TOM1L2: variants seen among roughly 807,000 people sequenced by gnomAD.
TOM1L2 encodes target of myb1 like 2 membrane trafficking protein, also known as TOM1-like protein 2.
In TOM1L2, 31 loss-of-function variants were observed where a neutral mutation model predicts 67.9. The observed-to-expected ratio is 0.46, with a 90% CI of 0.34 to 0.62. The LOEUF (loss-of-function observed/expected upper bound fraction) is 0.62, where lower values mean the gene tolerates loss of function less well. Ranked by LOEUF, TOM1L2 falls within the 20% of genes least tolerant of loss-of-function variation. The pLI is 0.01. For missense variants in TOM1L2, 606 were observed against 663.5 expected (o/e 0.91, Z 0.95); for synonymous variants, 256 against 254.0 (o/e 1.01, Z -0.07).
chr17:17,934,039 T>C (rs1475182616), intron 1 of TOM1L2, among the ~76,000 whole-genome samples: 1 of 152,108 alleles, frequency 6.6e-6, no homozygotes, highest in Non-Finnish European at 1.5e-5. Context: ...GAAAAAAAAA[T>C]CTGAGTAGGC....
chr17:17,949,093 G>A (rs954919049), intron 1 of TOM1L2, among the ~76,000 whole-genome samples: 2 of 152,188 alleles, frequency 1.3e-5, no homozygotes, highest in African/African-American at 4.8e-5. Flanking sequence ...CCTTAATTGA[G>A]TGTTCTCAGG....
intron 1 of TOM1L2, 57 bp downstream of exon 1, chr17:17,972,192 GGCCCGCGGTCCTC>G: frequency 6.5e-7 from 1 of 1,533,404 alleles, no homozygotes; most frequent in Non-Finnish European, 8.8e-7. Context: ...GCCCGGCGGA[GGCCCGCGGTCCTC>G]ACCAGCCGGA....
intron 7 of TOM1L2, among the ~76,000 whole-genome samples, chr17:17,878,640 G>A (rs1031275201): frequency 1.3e-5 from 2 of 152,224 alleles, no homozygotes; most frequent in African/African-American, 2.4e-5. Flanking sequence ...GACTGACAAC[G>A]GAGGGCCAGA....
intron 1 of TOM1L2, among the ~76,000 whole-genome samples, chr17:17,932,970 C>T (rs1441720038): frequency 6.6e-6 from 1 of 152,124 alleles, no homozygotes; most frequent in Non-Finnish European, 1.5e-5. Flanking sequence ...AATATTAAAA[C>T]ATTACCTTAT....
intron 1 of TOM1L2, among the ~76,000 whole-genome samples, chr17:17,963,077 A>G (rs534776941): frequency 3.4e-4 from 51 of 152,194 alleles, no homozygotes; most frequent in Non-Finnish European, 6.5e-4. Flanking sequence ...AAAACATAAC[A>G]ACACATTTTG....
At chr17:17,861,600 C>T in intron 11 of TOM1L2, 49 bp from the exon 12 acceptor site, 1 of 1,519,392 alleles carries the variant, frequency 6.6e-7, no homozygotes, top group South Asian at 1.1e-5. Flanking sequence ...CTCCAGTGGT[C>T]ATGGAGGGAT....
chr17:17,892,559 C>T (rs556719792), intron 4 of TOM1L2, among the ~76,000 whole-genome samples: 4 of 152,172 alleles, frequency 2.6e-5, no homozygotes, highest in Non-Finnish European at 4.4e-5. Context: ...GCCTCCTCAG[C>T]ATGCATGGCC....
chr17:17,848,513 G>A (rs955762764), intron 14 of TOM1L2, among the ~76,000 whole-genome samples: 12 of 152,240 alleles, frequency 7.9e-5, no homozygotes, highest in East Asian at 1.9e-4. Flanking sequence ...CACAAACTGC[G>A]TGTCTGAGCT....
chr17:17,952,241 A>G lies in TOM1L2; in HGVS notation c.52+20021T>C, dbSNP rs1488071033. Among the ~76,000 whole-genome samples the G allele has an allele frequency of 2.6e-5, 4 of 152,168 alleles. No homozygotes were observed. In the East Asian group the frequency reaches 7.7e-4, roughly 29 times the overall value. ...AAGCGAGCTGTAAAATGAAGCCTAC[A>G]GTAGGATCCCATTTATACAAAAGAA... On this transcript the variant is annotated intron_variant, in intron 1 of 14. Transcript: ENST00000379504.
At chr17:17,897,089 C>T (rs1342451873) in intron 3 of TOM1L2, among the ~76,000 whole-genome samples, 2 of 152,184 alleles carry the variant, frequency 1.3e-5, no homozygotes, top group Non-Finnish European at 2.9e-5. Context: ...ACGCAGAGTT[C>T]ACTTTAGAAA....
intron 1 of TOM1L2, 88 bp downstream of exon 1, chr17:17,972,174 G>A: frequency 6.7e-7 from 1 of 1,497,782 alleles, no homozygotes; most frequent in Non-Finnish European, 9.0e-7. Flanking sequence ...TCGTGAAGTG[G>A]CACCGGCGCC....
At chr17:17,965,121 C>T (rs1012240184) in intron 1 of TOM1L2, among the ~76,000 whole-genome samples, 8 of 152,072 alleles carry the variant, frequency 5.3e-5, no homozygotes, top group African/African-American at 1.9e-4. Flanking sequence ...TGCACAGAAG[C>T]GGGCTTTCAT....
intron 6 of TOM1L2, among the ~76,000 whole-genome samples, chr17:17,880,586 C>T (rs1042713153): frequency 6.6e-6 from 1 of 152,196 alleles, no homozygotes; most frequent in Non-Finnish European, 1.5e-5. Flanking sequence ...GGCTACTGGT[C>T]CCATCACTCA....
At chr17:17,911,240 T>C (rs1223979101) in intron 1 of TOM1L2, among the ~76,000 whole-genome samples, 1 of 152,178 alleles carries the variant, frequency 6.6e-6, no homozygotes, top group African/African-American at 2.4e-5. Context: ...CAGGATGCTA[T>C]GCTGCTCTTG....
At chr17:17,911,851 C>T (rs1389097188) in intron 1 of TOM1L2, among the ~76,000 whole-genome samples, 36 of 133,440 alleles carry the variant, frequency 2.7e-4, no homozygotes, top group Middle Eastern at 3.8e-3. Context: ...GGAGTGGTGA[C>T]GACTCTTAAC....
intron 1 of TOM1L2, among the ~76,000 whole-genome samples, chr17:17,910,600 C>CA (rs1298499861): frequency 6.6e-6 from 1 of 152,070 alleles, no homozygotes; most frequent in African/African-American, 2.4e-5. Context: ...GACAGAGTCT[C>CA]ACTCCATTGT....
At position 17,956,764 on chromosome 17, in the gene TOM1L2, G is replaced by A. The variant is rs540079197; in HGVS notation, c.52+15498C>T. Among the ~76,000 whole-genome samples, 38 of 152,328 alleles carry A rather than the reference G, an allele frequency of 2.5e-4. No homozygotes were observed. The East Asian group carries it at 7.3e-3, about 29-fold the overall frequency. The stretch of plus-strand genomic sequence containing the variant: ...AAGCCCCTCACTGCCCGGGGCCTGC[G>A]GTGCTGGGCCCGCTGAGCTCACGCC... On this transcript the variant is annotated intron_variant, in intron 1 of 14. Transcript: ENST00000379504.
At chr17:17,952,538 C>T (rs111583066) in intron 1 of TOM1L2, among the ~76,000 whole-genome samples, 7,275 of 151,518 alleles carry the variant, frequency 0.048, 497 homozygotes, top group African/African-American at 0.15. Flanking sequence ...ACCACAGGTG[C>T]GTGCTGCCAC....
At position 17,847,604 on chromosome 17, in the gene TOM1L2, C is replaced by T. The variant is rs753843178; in HGVS notation, c.*31G>A. 19 of 1,578,468 alleles carry T rather than the reference C, an allele frequency of 1.2e-5. No homozygotes were observed. In the Admixed American group the frequency reaches 1.7e-4, roughly 15 times the overall value. On this transcript the variant is annotated 3_prime_UTR_variant, in exon 15 of 15. Coordinates refer to ENST00000379504, the MANE Select transcript of TOM1L2 (RefSeq NM_001082968.2). Reference sequence around the variant, plus strand: ...TGTCCACGGGGTGCGAGCGGGGACCCGCCATCTGGGGAGGCAAACCACAGA... The same window carrying T: ...TGTCCACGGGGTGCGAGCGGGGACCTGCCATCTGGGGAGGCAAACCACAGA...
Sources: allele counts gnomAD v4.1 joint callset (sites outside exome capture counted in the v4.1 genomes callset), GRCh38; gene constraint gnomAD v4.1.1; transcripts MANE v1.5; gene names NCBI Gene and HGNC (gene_info 2026-07-23, HGNC 2026-07-21).